The following GABRB3 variants were observed in gnomAD, a reference collection of about 807,000 sequenced individuals.
GABRB3 encodes the protein gamma-aminobutyric acid type A receptor subunit beta3.
A neutral mutation model predicts 52.1 loss-of-function variants in GABRB3; 14 were observed. The observed-to-expected ratio is 0.27, with a 90% CI of 0.18 to 0.42. GABRB3 has a LOEUF of 0.42. Among genes scored for constraint, GABRB3 ranks in the 10% least tolerant of loss-of-function variants. The pLI, the probability that GABRB3 is intolerant of heterozygous loss-of-function variation, is 1.00. For synonymous variants in GABRB3, 260 were observed against 232.3 expected, an observed-to-expected ratio of 1.12 and a Z score of -1.08; for missense variants, 307 against 609.1, an observed-to-expected ratio of 0.50 and a Z score of 5.22.
intron 3 of GABRB3, among the ~76,000 whole-genome samples, chr15:26,643,174 C>T (rs1893254157): frequency 6.6e-6 from 1 of 152,182 alleles, no homozygotes. Context: ...TTATGTTTCT[C>T]CACAACACCA....
At chr15:26,709,509 TTC>T (rs984025477) in intron 3 of GABRB3, among the ~76,000 whole-genome samples, 1 of 130,220 alleles carries the variant, frequency 7.7e-6, no homozygotes, top group Admixed American at 1.0e-4. Flanking sequence ...TTTCTTTTTT[TTC>T]TTTCTTTTTT....
At chr15:26,695,791 A>T (rs977310040) in intron 3 of GABRB3, among the ~76,000 whole-genome samples, 1 of 152,240 alleles carries the variant, frequency 6.6e-6, no homozygotes, top group African/African-American at 2.4e-5. Flanking sequence ...GGATAGGTGA[A>T]ATAAGCAAAA....
intron 3 of GABRB3, among the ~76,000 whole-genome samples, chr15:26,752,377 C>T (rs539713950): frequency 8.6e-5 from 13 of 151,872 alleles, no homozygotes; most frequent in Non-Finnish European, 1.3e-4. Context: ...GATTCTCCTG[C>T]CTCAGCCTCC....
rs950099851 is a variant in GABRB3 at position 26,755,533 on chromosome 15, G to A, written c.240+16869C>T. On this transcript the variant is annotated intron_variant, in intron 3 of 8. Transcript: ENST00000311550. Reference sequence around the variant, plus strand: ...TATATGCTATTTTTTACTATTATATGAGATGATGTTGGAATAATGGCAATA... The same window carrying A: ...TATATGCTATTTTTTACTATTATATAAGATGATGTTGGAATAATGGCAATA... Among the ~76,000 whole-genome samples, 3 of 152,200 alleles carry A rather than the reference G, an allele frequency of 2.0e-5. No individual in the cohort carries two copies. The East Asian group carries it at 5.8e-4, about 29-fold the overall frequency.
chr15:26,589,195 A>G (rs1490031302), intron 4 of GABRB3, among the ~76,000 whole-genome samples: 1 of 152,228 alleles, frequency 6.6e-6, no homozygotes, highest in Admixed American at 6.5e-5. Context: ...TTGATAAATC[A>G]TAATAAGGGC....
At chr15:26,734,428 C>CA (rs1338517067) in intron 3 of GABRB3, among the ~76,000 whole-genome samples, 3 of 151,458 alleles carry the variant, frequency 2.0e-5, no homozygotes, top group African/African-American at 7.3e-5. Flanking sequence ...GCACAGGCAA[C>CA]AAAAGAAAAA....
intron 3 of GABRB3, among the ~76,000 whole-genome samples, chr15:26,647,631 A>G (rs930188530): frequency 6.6e-6 from 1 of 152,200 alleles, no homozygotes; most frequent in African/African-American, 2.4e-5. Context: ...ATTCTACAGA[A>G]CAGGGTACAA....
At chr15:26,712,885 C>T (rs569941235) in intron 3 of GABRB3, among the ~76,000 whole-genome samples, 96 of 152,242 alleles carry the variant, frequency 6.3e-4, no homozygotes, top group African/African-American at 1.7e-3. Context: ...AGGAACCCCG[C>T]GGGCTGGGAA....
At chr15:26,664,249 G>A (rs2140617579) in intron 3 of GABRB3, among the ~76,000 whole-genome samples, 1 of 152,284 alleles carries the variant, frequency 6.6e-6, no homozygotes, top group African/African-American at 2.4e-5. Flanking sequence ...GTCTTGCTAT[G>A]TTGCCCAGGC....
At chr15:26,619,522 G>A (rs895823581) in intron 4 of GABRB3, among the ~76,000 whole-genome samples, 1 of 113,024 alleles carries the variant, frequency 8.8e-6, no homozygotes, top group African/African-American at 3.4e-5. Flanking sequence ...CTGTTGTGGG[G>A]TGGGGGGAGG....
In GABRB3 at chr15:26,547,047, T is replaced by C. The variant is rs1245103055; in HGVS notation, c.*746A>G. On this transcript the variant is annotated 3_prime_UTR_variant, in exon 9 of 9. Transcript: ENST00000311550. ...TGAACAACAGAAACAAACTACACACTGTATATTAGAGTACTTACAACGAGA... is the reference window on the plus strand; with the variant it reads ...TGAACAACAGAAACAAACTACACACCGTATATTAGAGTACTTACAACGAGA... 1.3e-5 allele frequency: 2 copies of C among 152,604 alleles called. No homozygotes were observed. The highest frequency in any genetic ancestry group is 2.9e-5 in the Non-Finnish European group (2 of 68,456). The allele number at this position is 152,604 out of a possible 1,614,324, so 9.5% of individuals were successfully genotyped here. A position where few individuals can be genotyped will look rare whatever the true frequency, so the allele number is the denominator to read the frequency against.
intron 8 of GABRB3, among the ~76,000 whole-genome samples, chr15:26,555,824 T>A (rs1212650634): frequency 6.6e-6 from 1 of 152,238 alleles, no homozygotes. Flanking sequence ...ATAGTTTGGC[T>A]GCTTTATTTA....
intron 3 of GABRB3, among the ~76,000 whole-genome samples, chr15:26,717,671 T>C (rs1185943713): frequency 6.6e-6 from 1 of 152,160 alleles, no homozygotes; most frequent in Non-Finnish European, 1.5e-5. Flanking sequence ...CCCTCACCCA[T>C]CACACGTAAT....
chr15:26,752,248 T>TA (rs1890531230), intron 3 of GABRB3, among the ~76,000 whole-genome samples: 1 of 146,904 alleles, frequency 6.8e-6, no homozygotes. Flanking sequence ...TTTATTTATT[T>TA]ATTTATTTAT....
At chr15:26,700,669 T>C (rs1888898922) in intron 3 of GABRB3, among the ~76,000 whole-genome samples, 1 of 151,238 alleles carries the variant, frequency 6.6e-6, no homozygotes, top group South Asian at 2.1e-4. Context: ...TTTAAGTCAA[T>C]CAATGTAATT....
At chr15:26,700,849 G>A (rs904459196) in intron 3 of GABRB3, among the ~76,000 whole-genome samples, 7 of 152,106 alleles carry the variant, frequency 4.6e-5, no homozygotes, top group Non-Finnish European at 1.0e-4. Context: ...AGGTCAGGAG[G>A]TCGAGACCAT....
rs1158315342 is a variant in GABRB3 at position 26,547,931 on chromosome 15, T to C, written c.1284A>G (p.Leu428=). The change falls in exon 9 of 9, where the codon CTA becomes CTG. Residue 428 remains leucine (L), a synonymous_variant. Transcript: ENST00000311550. ...DRSLPHKKTH[L]RRRSSQLKIK... ...TTTTGAGCTGTGAAGACCTCCTCCGTAGATGGGTCTTCTTGTGCGGGAGGC... is the reference window on the plus strand; with the variant it reads ...TTTTGAGCTGTGAAGACCTCCTCCGCAGATGGGTCTTCTTGTGCGGGAGGC... The C allele has an allele frequency of 6.2e-7, 1 of 1,614,016 alleles. No individual in the cohort carries two copies. The highest frequency in any genetic ancestry group is 1.3e-5 in the African/African-American group (1 of 74,926).
intron 4 of GABRB3, among the ~76,000 whole-genome samples, chr15:26,589,961 C>T (rs544415397): frequency 1.3e-5 from 2 of 152,284 alleles, no homozygotes; most frequent in Non-Finnish European, 2.9e-5. Flanking sequence ...AGCGGGGACA[C>T]ATTCCCGCTA....
intron 3 of GABRB3, among the ~76,000 whole-genome samples, chr15:26,769,443 TA>T (rs1891085957): frequency 6.6e-6 from 1 of 152,176 alleles, no homozygotes; most frequent in Non-Finnish European, 1.5e-5. Context: ...TTACCTGCTT[TA>T]AAACCTTTAC....
Sources: allele counts gnomAD v4.1 joint callset (sites outside exome capture counted in the v4.1 genomes callset), GRCh38; gene constraint gnomAD v4.1.1; transcripts MANE v1.5; gene names NCBI Gene and HGNC (gene_info 2026-07-23, HGNC 2026-07-21).